Variants in MAML3 observed in about 807,000 individuals in gnomAD.
MAML3 encodes mastermind-like protein 3.
Under a neutral mutation model 101.9 loss-of-function variants are expected in MAML3, and 27 were observed. The ratio of observed to expected loss-of-function variants is 0.27; its 90% CI spans 0.20 to 0.37. The LOEUF is 0.37. Ranked by LOEUF, MAML3 falls within the 10% of genes least tolerant of loss-of-function variation. The pLI is 1.00. For missense variants in MAML3, 1,316 were observed against 1,444.9 expected (o/e 0.91, Z 1.45); for synonymous variants, 501 against 555.9 (o/e 0.90, Z 1.39).
intron 2 of MAML3, among the ~76,000 whole-genome samples, chr4:139,820,063 C>T (rs564670315): frequency 1.9e-4 from 29 of 152,298 alleles, no homozygotes; most frequent in African/African-American, 6.3e-4. Flanking sequence ...CATATGACTG[C>T]CACTAGACAG....
chr4:139,730,407 G>C lies in MAML3; in HGVS notation c.2331+9C>G, dbSNP rs1314596455. The C allele has an allele frequency of 6.5e-7, 1 of 1,546,754 alleles. No individual in the cohort carries two copies. Among genetic ancestry groups the C allele is most frequent in the Non-Finnish European group, 8.7e-7 (1 of 1,145,608 alleles). ...ATGAATGAATGAATCACGCCAAGGG[G>C]CATGTTACCTGTTCCGCCAAAATCT... On this transcript the variant is annotated intron_variant, in intron 3 of 4. Transcript: ENST00000509479.
chr4:140,061,066 G>A (rs1030233624), intron 1 of MAML3, among the ~76,000 whole-genome samples: 4 of 152,178 alleles, frequency 2.6e-5, no homozygotes, highest in Admixed American at 2.0e-4. Context: ...AAAAAGGCAC[G>A]CACGTTTGAT....
intron 1 of MAML3, among the ~76,000 whole-genome samples, chr4:139,955,244 G>A (rs1335283824): frequency 6.6e-6 from 1 of 151,878 alleles, no homozygotes; most frequent in Non-Finnish European, 1.5e-5. Flanking sequence ...TAAACTGAGT[G>A]GATAATAAAA....
chr4:139,994,785 G>GT (rs58871147), intron 1 of MAML3, among the ~76,000 whole-genome samples: 74,093 of 150,076 alleles, frequency 0.49, 18,545 homozygotes, highest in East Asian at 0.66. Flanking sequence ...TGCTGGTGGG[G>GT]GGTGTGTGTG....
rs376677857 is a variant in MAML3 at position 139,977,265 on chromosome 4, AC to A, written c.469-86299del. 6.9e-3 allele frequency among the ~76,000 whole-genome samples: 1,054 copies of A among 152,308 alleles called. 14 individuals carry two copies. The highest frequency in any genetic ancestry group is 0.024 in the African/African-American group (1,005 of 41,566). The stretch of plus-strand genomic sequence containing the variant: ...TATCTTGTCATAGCAGCCCAAATGG[AC>A]TAGGGATGCTGCTGAACATCCCAGA... On this transcript the variant is annotated intron_variant, in intron 1 of 4. Transcript: ENST00000509479.
intron 1 of MAML3, among the ~76,000 whole-genome samples, chr4:139,988,157 T>A (rs532367970): frequency 6.7e-6 from 1 of 149,582 alleles, no homozygotes; most frequent in East Asian, 2.0e-4. Context: ...CGAAACCCCA[T>A]CTCTACTAAA....
At chr4:139,904,402 T>C (rs892817107) in intron 1 of MAML3, among the ~76,000 whole-genome samples, 5 of 152,186 alleles carry the variant, frequency 3.3e-5, no homozygotes, top group Admixed American at 6.5e-5. Flanking sequence ...GGGTGCTGGG[T>C]TCTGTATCAG....
At position 140,042,412 on chromosome 4, in the gene MAML3, A is replaced by G. The variant is rs549176043; in HGVS notation, c.468+110448T>C. ...CACTTTGGGAGGCCGAGGCAGGCGG[A>G]TCACGAGGTCAGGAGATCGAGACCA... On this transcript the variant is annotated intron_variant, in intron 1 of 4. Transcript: ENST00000509479. 2.0e-3 allele frequency among the ~76,000 whole-genome samples: 311 copies of G among 152,272 alleles called. 3 individuals are homozygous for G. Among genetic ancestry groups the G allele is most frequent in the Non-Finnish European group, 2.1e-3 (144 of 68,010 alleles).
chr4:140,000,729 A>G (rs999544865), intron 1 of MAML3, among the ~76,000 whole-genome samples: 3 of 152,062 alleles, frequency 2.0e-5, no homozygotes, highest in Admixed American at 1.3e-4. Context: ...AAGAACAAAG[A>G]CTTAAGATTT....
intron 1 of MAML3, among the ~76,000 whole-genome samples, chr4:139,994,281 T>C (rs912818895): frequency 5.9e-5 from 9 of 152,358 alleles, no homozygotes; most frequent in Middle Eastern, 3.4e-3. Context: ...TACACTTCTA[T>C]TGCTAACTTA....
intron 2 of MAML3, among the ~76,000 whole-genome samples, chr4:139,857,498 G>T (rs535680002): frequency 6.6e-6 from 1 of 152,198 alleles, no homozygotes; most frequent in East Asian, 1.9e-4. Flanking sequence ...GGCTAAAATA[G>T]CTCTGTTGAT....
At chr4:139,761,360 C>G (rs1288272570) in intron 2 of MAML3, among the ~76,000 whole-genome samples, 6 of 152,130 alleles carry the variant, frequency 3.9e-5, no homozygotes, top group Admixed American at 3.9e-4. Context: ...CATTTCCCAC[C>G]ACTGCAAGTG....
chr4:139,854,566 T>C (rs1035436255), intron 2 of MAML3, among the ~76,000 whole-genome samples: 1 of 138,460 alleles, frequency 7.2e-6, no homozygotes, highest in African/African-American at 2.5e-5. Flanking sequence ...CATCTTTCAG[T>C]GCTCTTTTTT....
chr4:140,058,765 A>AT (rs1168083480), intron 1 of MAML3, among the ~76,000 whole-genome samples: 3 of 152,082 alleles, frequency 2.0e-5, no homozygotes, highest in East Asian at 3.9e-4. Flanking sequence ...TTGTTTTATA[A>AT]TTTTTTTCCT....
intron 2 of MAML3, among the ~76,000 whole-genome samples, chr4:139,884,811 A>C (rs1206137403): frequency 6.6e-6 from 1 of 152,188 alleles, no homozygotes; most frequent in Non-Finnish European, 1.5e-5. Context: ...ATCAACTGTA[A>C]TCATATTTTT....
chr4:139,783,054 A>G (rs866988279), intron 2 of MAML3, among the ~76,000 whole-genome samples: 1 of 152,142 alleles, frequency 6.6e-6, no homozygotes, highest in African/African-American at 2.4e-5. Context: ...AGGGCTTGTC[A>G]TTTAGCTGCA....
intron 1 of MAML3, among the ~76,000 whole-genome samples, chr4:140,021,154 T>C (rs1035795461): frequency 1.4e-4 from 22 of 152,222 alleles, no homozygotes; most frequent in African/African-American, 5.3e-4. Context: ...CTGTACCTGC[T>C]GGGACTTACA....
chr4:140,147,072 G>T (rs1197726212), intron 1 of MAML3, among the ~76,000 whole-genome samples: 1 of 139,874 alleles, frequency 7.1e-6, no homozygotes, highest in African/African-American at 2.6e-5. Context: ...GGCAGAGCTT[G>T]CAGTGAGCCG....
chr4:139,959,308 A>G (rs979064773), intron 1 of MAML3, among the ~76,000 whole-genome samples: 1 of 152,156 alleles, frequency 6.6e-6, no homozygotes, highest in Non-Finnish European at 1.5e-5. Flanking sequence ...ACAGGCATGG[A>G]GTGTGGACCT....
Sources: allele counts gnomAD v4.1 joint callset (sites outside exome capture counted in the v4.1 genomes callset), GRCh38; gene constraint gnomAD v4.1.1; transcripts MANE v1.5; gene names NCBI Gene and HGNC (gene_info 2026-07-23, HGNC 2026-07-21).